The following WDR37 variants were observed in gnomAD, a reference collection of about 807,000 sequenced individuals.
WDR37 encodes WD repeat-containing protein 37.
In WDR37, 19 loss-of-function variants were observed where a neutral mutation model predicts 62.9. The observed-to-expected ratio is 0.30, with a 90% confidence interval of 0.21 to 0.44. The LOEUF (loss-of-function observed/expected upper bound fraction) is 0.44, where lower values mean the gene tolerates loss of function less well. Ranked by LOEUF, WDR37 falls within the 20% of genes least tolerant of loss-of-function variation. The probability of loss-of-function intolerance (pLI) is 1.00; values close to 1 mark genes in which losing one functional copy is unlikely to be tolerated. For missense variants in WDR37, 474 were observed against 657.6 expected (o/e 0.72, Z 3.05); for synonymous variants, 250 against 260.9 (o/e 0.96, Z 0.40).
At chr10:1,110,653 C>G (rs1418660700) in intron 11 of WDR37, among the ~76,000 whole-genome samples, 1 of 152,216 alleles carries the variant, frequency 6.6e-6, no homozygotes, top group South Asian at 2.1e-4. Flanking sequence ...TGTGTGTGTT[C>G]CGTTTGGTCA....
At chr10:1,073,210 A>G (rs1833776614) in intron 2 of WDR37, among the ~76,000 whole-genome samples, 1 of 152,208 alleles carries the variant, frequency 6.6e-6, no homozygotes, top group African/African-American at 2.4e-5. Context: ...ATATATGGTT[A>G]TATATGTATA....
rs781487773 is a variant in WDR37, at chr10:1,080,122, T to G, written c.331+16T>G. 1.9e-6 allele frequency: 3 copies of G among 1,613,110 alleles called. No homozygotes were observed. Among genetic ancestry groups the G allele is most frequent in the Non-Finnish European group, 2.5e-6 (3 of 1,179,386 alleles). ...AAAACAAAAGGTAAGGTGAATCCCA[T>G]GAAAGTCTTGTCCTGCAGATTATAC... On this transcript the variant is annotated intron_variant, in intron 4 of 13. Transcript: ENST00000263150.
intron 7 of WDR37, among the ~76,000 whole-genome samples, chr10:1,088,155 A>C (rs1005915721): frequency 2.0e-5 from 3 of 152,202 alleles, no homozygotes; most frequent in African/African-American, 7.2e-5. Context: ...GCTGCAGCTA[A>C]AGGGAATGTT....
intron 12 of WDR37, 67 bp downstream of exon 12, chr10:1,124,419 GTT>G: frequency 6.3e-7 from 1 of 1,598,660 alleles, no homozygotes. Flanking sequence ...GTGATTTCAT[GTT>G]TTATTCATGG....
chr10:1,112,696 C>G (rs2086381), intron 11 of WDR37, among the ~76,000 whole-genome samples: 147,653 of 152,358 alleles, frequency 0.97, 71,715 homozygotes, highest in East Asian at 1. Context: ...TATGAAGGAA[C>G]TTTGAGTGGT....
intron 12 of WDR37, 73 bp downstream of exon 12, chr10:1,124,425 T>A (rs1362490009): frequency 6.3e-7 from 1 of 1,591,248 alleles, no homozygotes; most frequent in Non-Finnish European, 8.6e-7. Flanking sequence ...TCATGTTTTA[T>A]TCATGGAGGT....
chr10:1,070,231 G>T (rs1038168276), intron 1 of WDR37, among the ~76,000 whole-genome samples: 4 of 151,372 alleles, frequency 2.6e-5, no homozygotes, highest in Non-Finnish European at 5.9e-5. Context: ...AAAAAATTGG[G>T]AACTTCATAA....
chr10:1,122,646 A>T (rs1564513541), intron 11 of WDR37, among the ~76,000 whole-genome samples: 1 of 152,252 alleles, frequency 6.6e-6, no homozygotes. Flanking sequence ...TTTTTATCAC[A>T]TTCTTTTTAC....
chr10:1,058,976 T>C (rs1833286300), intron 1 of WDR37, among the ~76,000 whole-genome samples: 1 of 152,268 alleles, frequency 6.6e-6, no homozygotes, highest in Non-Finnish European at 1.5e-5. Context: ...AATTAACCAC[T>C]TAAGCAAGTG....
chr10:1,131,020 G>A lies in WDR37; in HGVS notation c.*1676G>A, dbSNP rs115090623. On this transcript the variant is annotated 3_prime_UTR_variant, in exon 14 of 14. Coordinates refer to ENST00000263150, the MANE Select transcript of WDR37 (RefSeq NM_014023.4). ...CATTTTGATTTTACAAATAAAAAAT[G>A]TGTTGTGTTTTTGTCCGACATTATT... The A allele has an allele frequency of 6.6e-6, 1 of 152,224 alleles. No individual in the cohort carries two copies. Among genetic ancestry groups the A allele is most frequent in the African/African-American group, 2.4e-5 (1 of 41,448 alleles). The allele number at this position is 152,224 out of a possible 1,614,324, so 9.4% of individuals were successfully genotyped here. A position where few individuals can be genotyped will look rare whatever the true frequency, so the allele number is the denominator to read the frequency against.
rs1393433108 is a variant in WDR37, at chr10:1,080,266, C to G, written c.332-146C>G. On this transcript the variant is annotated intron_variant, in intron 4 of 13. Coordinates refer to ENST00000263150, the MANE Select transcript of WDR37 (RefSeq NM_014023.4). ...GAGAATAAGGAGCTCGGTTCTTGTT[C>G]CTGTTCTGCCATGGCTCTGTGTCAC... The G allele has an allele frequency of 4.0e-6, 5 of 1,254,414 alleles. No individual in the cohort carries two copies. The African/African-American group carries it at 4.5e-5, about 11-fold the overall frequency. 77.7% of individuals were successfully genotyped at this position (1,254,414 alleles called of 1,614,324 possible).
At chr10:1,110,298 T>C (rs184059901) in intron 11 of WDR37, among the ~76,000 whole-genome samples, 10 of 152,266 alleles carry the variant, frequency 6.6e-5, no homozygotes, top group African/African-American at 2.2e-4. Context: ...GAACACAAAC[T>C]CTTCCTTCCT....
At chr10:1,127,193 T>C (rs778927085) in intron 13 of WDR37, among the ~76,000 whole-genome samples, 10 of 152,202 alleles carry the variant, frequency 6.6e-5, no homozygotes, top group Admixed American at 2.0e-4. Flanking sequence ...ACTTTGAGAG[T>C]ATTTTCCCTC....
intron 11 of WDR37, among the ~76,000 whole-genome samples, chr10:1,120,368 G>A (rs753467944): frequency 1.6e-4 from 25 of 152,232 alleles, no homozygotes; most frequent in African/African-American, 4.1e-4. Context: ...ATGAAGCGCC[G>A]CCTCCGAGGG....
At chr10:1,101,039 A>C (rs1834778943) in intron 9 of WDR37, among the ~76,000 whole-genome samples, 1 of 152,136 alleles carries the variant, frequency 6.6e-6, no homozygotes, top group Non-Finnish European at 1.5e-5. Context: ...CCACCGTCTG[A>C]ACGCCTGTAT....
rs552191486 is a variant in WDR37 at position 1,109,659 on chromosome 10, C to T, written c.1103+4392C>T. Among the ~76,000 whole-genome samples the T allele has an allele frequency of 3.2e-3, 490 of 152,002 alleles. 2 individuals are homozygous for T. The highest frequency in any genetic ancestry group is 5.5e-3 in the Non-Finnish European group (375 of 67,960). On this transcript the variant is annotated intron_variant, in intron 11 of 13. Transcript: ENST00000263150. ...TTGGGAGGTGGAGGTTGCGGTGAGC[C>T]GAGATCACGCCGTTGCACTCCAGCC...
intron 13 of WDR37, among the ~76,000 whole-genome samples, chr10:1,126,337 C>T (rs12414311): frequency 7.8e-4 from 117 of 149,770 alleles, no homozygotes; most frequent in South Asian, 1.5e-3. Flanking sequence ...ACCCAGGAGG[C>T]GGAGCTTGCA....
intron 7 of WDR37, among the ~76,000 whole-genome samples, chr10:1,087,357 G>C (rs186688933): frequency 6.6e-6 from 1 of 152,190 alleles, no homozygotes; most frequent in Non-Finnish European, 1.5e-5. Flanking sequence ...AGAGCAAAAC[G>C]CTGTTACAGG....
At chr10:1,126,527 T>G (rs973883572) in intron 13 of WDR37, among the ~76,000 whole-genome samples, 1 of 152,230 alleles carries the variant, frequency 6.6e-6, no homozygotes, top group Non-Finnish European at 1.5e-5. Context: ...GAGTACTGTC[T>G]GGATACCTGT....
Sources: allele counts gnomAD v4.1 joint callset (sites outside exome capture counted in the v4.1 genomes callset), GRCh38; gene constraint gnomAD v4.1.1; transcripts MANE v1.5; gene names NCBI Gene and HGNC (gene_info 2026-07-23, HGNC 2026-07-21).